TEX9: variants seen among roughly 807,000 people sequenced by gnomAD.
TEX9 encodes the protein testis-expressed protein 9.
A neutral mutation model predicts 59.6 loss-of-function variants in TEX9; 74 were observed. The ratio of observed to expected loss-of-function variants is 1.24; its 90% CI spans 1.03 to 1.51. TEX9 has a LOEUF of 1.51. Ranked by LOEUF, TEX9 falls within the 40% of genes most tolerant of loss-of-function variation. The probability of loss-of-function intolerance (pLI) is 0.00; values close to 1 mark genes in which losing one functional copy is unlikely to be tolerated. For missense variants in TEX9, 522 were observed against 447.8 expected (o/e 1.17, Z -1.49); for synonymous variants, 186 against 152.2 (o/e 1.22, Z -1.64).
chr15:56,305,087 C>T (rs1243575083), intron 1 of TEX9, among the ~76,000 whole-genome samples: 4 of 152,122 alleles, frequency 2.6e-5, no homozygotes, highest in African/African-American at 7.2e-5. Context: ...AGTAAAAGAT[C>T]TCTACAGTAA....
chr15:56,445,403 T>G (rs2050889949), intron 12 of TEX9, among the ~76,000 whole-genome samples: 1 of 152,014 alleles, frequency 6.6e-6, no homozygotes, highest in Non-Finnish European at 1.5e-5. Flanking sequence ...TAAACTACGC[T>G]TTACTTTTAT....
At chr15:56,434,079 T>C (rs1229075658) in intron 12 of TEX9, 6 of 1,526,864 alleles carry the variant, frequency 3.9e-6, no homozygotes, top group African/African-American at 2.8e-5. Context: ...TAGTGGATGA[T>C]AGATGAGCTA....
intron 1 of TEX9, among the ~76,000 whole-genome samples, chr15:56,261,251 T>C (rs1303874718): frequency 6.6e-6 from 1 of 152,060 alleles, no homozygotes; most frequent in Non-Finnish European, 1.5e-5. Flanking sequence ...TTAATTTCCC[T>C]CTATTTTCTG....
chr15:56,265,759 T>C (rs1367930326), intron 1 of TEX9, among the ~76,000 whole-genome samples: 1 of 152,228 alleles, frequency 6.6e-6, no homozygotes, highest in Non-Finnish European at 1.5e-5. Flanking sequence ...AGGCCCAGAA[T>C]ATCGTCTATC....
chr15:56,396,730 A>G (rs2048495981), intron 9 of TEX9: 1 of 152,092 alleles, frequency 6.6e-6, no homozygotes, highest in Admixed American at 6.6e-5. Context: ...TGTGATGGCG[A>G]AAAAGTCTCA....
At chr15:56,363,511 G>C (rs1461236085), upstream of TEX9, among the ~76,000 whole-genome samples, 1 of 151,978 alleles carries the variant, frequency 6.6e-6, no homozygotes. Context: ...GTGTCAAGTG[G>C]CATTTCATTT....
chr15:56,434,254 C>A, intron 12 of TEX9: 1 of 1,613,900 alleles, frequency 6.2e-7, no homozygotes, highest in Non-Finnish European at 8.5e-7. Context: ...CGATCATCCT[C>A]AGCAAATTTA....
At chr15:56,382,058 T>C (rs6493855) in intron 3 of TEX9, among the ~76,000 whole-genome samples, 77,299 of 152,018 alleles carry the variant, frequency 0.51, 19,947 homozygotes, top group South Asian at 0.64. Flanking sequence ...GCTAAGCTGG[T>C]ACTCGGACTA....
chr15:56,414,255 A>ATT (rs34420915), intron 10 of TEX9, among the ~76,000 whole-genome samples: 10 of 150,984 alleles, frequency 6.6e-5, no homozygotes, highest in African/African-American at 2.0e-4. Context: ...TTTTGTTTTA[A>ATT]TTTTTTTTAG....
At chr15:56,379,513 T>C (rs1319439619) in intron 3 of TEX9, among the ~76,000 whole-genome samples, 1 of 152,242 alleles carries the variant, frequency 6.6e-6, no homozygotes, top group Non-Finnish European at 1.5e-5. Context: ...GAATAATGTG[T>C]ATCTGTAGTC....
Position 56,357,109 on chromosome 15 carries a change from C to T in TEX9, c.-106-16332C>T, listed in dbSNP as rs547237366. Among the ~76,000 whole-genome samples the T allele has an allele frequency of 4.6e-5, 7 of 152,204 alleles. No homozygotes were observed. In the South Asian group the frequency reaches 6.2e-4, roughly 14 times the overall value. On this transcript the variant is annotated intron_variant, in intron 1 of 5. Transcript: ENST00000560827. ...CCAATCCCTTACTATGTCCCCTACC[C>T]TATAAATTCAGAAGATAGAAGTTTG...
At chr15:56,244,011 C>A (rs2043772435) in exon 1 of TEX9, 1 of 150,650 alleles carries the variant, frequency 6.6e-6, no homozygotes. Context: ...GGCCAGCGGG[C>A]CAGGGAAGCG....
intron 1 of TEX9, among the ~76,000 whole-genome samples, chr15:56,288,441 C>T (rs2045004343): frequency 6.6e-6 from 1 of 151,960 alleles, no homozygotes; most frequent in Admixed American, 6.6e-5. Context: ...TGATAAACTC[C>T]CTCAGATTTT....
chr15:56,373,556 CTT>C, intron 3 of TEX9, 52 bp downstream of exon 3: 1 of 1,423,778 alleles, frequency 7.0e-7, no homozygotes, highest in Non-Finnish European at 9.3e-7. Flanking sequence ...AGTTTTTTAT[CTT>C]TTTCATTTGA....
At chr15:56,427,499 T>G in intron 10 of TEX9, 106 bp from the exon 11 acceptor site, 2 of 736,244 alleles carry the variant, frequency 2.7e-6, no homozygotes, top group South Asian at 7.5e-5. Flanking sequence ...AATTTTATAT[T>G]TCAGTTTAAG....
At chr15:56,342,153 ATC>A (rs2046384184) in intron 1 of TEX9, among the ~76,000 whole-genome samples, 1 of 152,210 alleles carries the variant, frequency 6.6e-6, no homozygotes, top group African/African-American at 2.4e-5. Flanking sequence ...TGACACCGTC[ATC>A]AGTTGGTACT....
chr15:56,309,702 T>A (rs1226586886), intron 1 of TEX9, among the ~76,000 whole-genome samples: 1 of 128,888 alleles, frequency 7.8e-6, no homozygotes, highest in Non-Finnish European at 1.7e-5. Context: ...AGTTTTTTTT[T>A]TTTTTTTTTT....
At chr15:56,383,901 T>G in intron 3 of TEX9, 51 bp from the exon 4 acceptor site, 1 of 1,353,262 alleles carries the variant, frequency 7.4e-7, no homozygotes, top group Non-Finnish European at 1.0e-6. Flanking sequence ...TATATCTTAA[T>G]GGTTTGGTTT....
At chr15:56,249,742 C>CAAAAAAA (rs11440856) in intron 1 of TEX9, among the ~76,000 whole-genome samples, 22 of 25,466 alleles carry the variant, frequency 8.6e-4, no homozygotes, top group Non-Finnish European at 1.2e-3. Context: ...GGATCTGTCT[C>CAAAAAAA]AAAAAAAAAA....
Sources: allele counts gnomAD v4.1 joint callset (sites outside exome capture counted in the v4.1 genomes callset), GRCh38; gene constraint gnomAD v4.1.1; transcripts MANE v1.5; gene names NCBI Gene and HGNC (gene_info 2026-07-23, HGNC 2026-07-21).